The following CFAP54 variants were observed in gnomAD, a reference collection of about 807,000 sequenced individuals.
CFAP54 encodes the protein cilia- and flagella-associated protein 54.
In CFAP54, 290 loss-of-function variants were observed where a neutral mutation model predicts 370.4. The observed-to-expected ratio is 0.78, with a 90% CI of 0.71 to 0.86. CFAP54 has a LOEUF of 0.86. Among genes scored for constraint, CFAP54 ranks in the 40% least tolerant of loss-of-function variants. The probability of loss-of-function intolerance (pLI) is 0.00; values close to 1 mark genes in which losing one functional copy is unlikely to be tolerated. For missense variants in CFAP54, 3,399 were observed against 3,528.7 expected (o/e 0.96, Z 0.93); for synonymous variants, 1,206 against 1,236.5 (o/e 0.98, Z 0.52).
chr12:96,700,664 A>C (rs1022149242), intron 46 of CFAP54, among the ~76,000 whole-genome samples: 1 of 152,148 alleles, frequency 6.6e-6, no homozygotes, highest in Non-Finnish European at 1.5e-5. Context: ...GAAAATGAAT[A>C]CTGGAGTTGA....
chr12:96,544,410 A>ATCTCTCTCTCTCTCTCTCTCTCTCTCTC (rs71068815), intron 14 of CFAP54, among the ~76,000 whole-genome samples: 4 of 148,016 alleles, frequency 2.7e-5, no homozygotes, highest in African/African-American at 7.5e-5. Context: ...AAAACAGAAT[A>ATCTCTCTCTCTCTCTCTCTCTCTCTCTC]TCTCTCTCTC....
intron 26 of CFAP54, among the ~76,000 whole-genome samples, chr12:96,619,940 T>A (rs1403964969): frequency 1.3e-5 from 2 of 152,322 alleles, no homozygotes; most frequent in East Asian, 3.9e-4. Context: ...ACATGGTGAC[T>A]CATGCCTATA....
intron 3 of CFAP54, among the ~76,000 whole-genome samples, chr12:96,506,121 C>T (rs899169332): frequency 1.1e-4 from 17 of 152,004 alleles, no homozygotes; most frequent in African/African-American, 2.2e-4. Context: ...AGGCGGATCA[C>T]GAGGTCAGGA....
chr12:96,649,499 C>T (rs184975570), intron 34 of CFAP54, among the ~76,000 whole-genome samples: 13 of 152,278 alleles, frequency 8.5e-5, no homozygotes, highest in African/African-American at 3.1e-4. Flanking sequence ...GCTGCATTGC[C>T]TAACTCCAGA....
intron 64 of CFAP54, among the ~76,000 whole-genome samples, chr12:96,816,322 G>A (rs1438949909): frequency 6.6e-6 from 1 of 152,080 alleles, no homozygotes; most frequent in Non-Finnish European, 1.5e-5. Context: ...TCTCTTTGAA[G>A]CAATTGTGAA....
chr12:96,713,945 G>C (rs1016210938), intron 48 of CFAP54, among the ~76,000 whole-genome samples: 10 of 152,082 alleles, frequency 6.6e-5, no homozygotes, highest in African/African-American at 2.2e-4. Context: ...GATTATGAAA[G>C]GATTTGAAAG....
chr12:96,728,016 C>T (rs1248643823), intron 50 of CFAP54, among the ~76,000 whole-genome samples: 14 of 152,302 alleles, frequency 9.2e-5, no homozygotes, highest in African/African-American at 2.9e-4. Flanking sequence ...CCACTCTCTT[C>T]TGGCTTGTAG....
intron 60 of CFAP54, 40 bp downstream of exon 60, chr12:96,765,258 A>T: frequency 7.1e-7 from 1 of 1,406,080 alleles, no homozygotes; most frequent in African/African-American, 1.4e-5. Flanking sequence ...AAAAACTGAT[A>T]TATGTAATAT....
Position 96,708,665 on chromosome 12 carries a change from C to A in CFAP54, c.6586C>A (p.Pro2196Thr). 6.2e-7 allele frequency: 1 copy of A among 1,611,624 alleles called. No homozygotes were observed. The highest frequency in any genetic ancestry group is 1.1e-5 in the South Asian group (1 of 90,162). ...TGCAGTTCTGGTTACAATTGGCCAA[C>A]CACATCTCTTAAATAAGTTTAATTT... The part of the protein sequence containing the change: ...LPAVLVTIGQ[P>T]HLLNKFNFVK... The change falls in exon 48 of 68, where the codon CCA (proline) becomes ACA (threonine). Residue 2196 changes from proline (P) to threonine (T), a missense_variant. Physicochemically the swap from Pro to Thr is conservative, Grantham distance 38 (BLOSUM62 -1). Coordinates refer to ENST00000524981, the MANE Select transcript of CFAP54 (RefSeq NM_001306084.2).
chr12:96,655,458 G>C (rs897823183), intron 36 of CFAP54, among the ~76,000 whole-genome samples: 4 of 152,152 alleles, frequency 2.6e-5, no homozygotes, highest in African/African-American at 9.7e-5. Context: ...CTAGGTTTCT[G>C]TAATTCTTAA....
At chr12:96,861,690 CT>C (rs1352269490) in intron 67 of CFAP54, among the ~76,000 whole-genome samples, 1 of 152,146 alleles carries the variant, frequency 6.6e-6, no homozygotes, top group African/African-American at 2.4e-5. Context: ...ATTTCTTCAT[CT>C]GTAAAATGGG....
At chr12:96,862,911 G>A (rs780537358) in intron 67 of CFAP54, among the ~76,000 whole-genome samples, 4 of 152,114 alleles carry the variant, frequency 2.6e-5, no homozygotes, top group South Asian at 2.1e-4. Context: ...GGTCAAGAAA[G>A]GTGCAACAAA....
At chr12:96,512,321 ATAT>A (rs1955180319) in intron 4 of CFAP54, among the ~76,000 whole-genome samples, 1 of 33,446 alleles carries the variant, frequency 3.0e-5, no homozygotes, top group Non-Finnish European at 6.9e-5. Context: ...ATATATATAT[ATAT>A]ATATATATAT....
chr12:96,646,867 C>G (rs1239071057), intron 33 of CFAP54: 1 of 152,172 alleles, frequency 6.6e-6, no homozygotes, highest in Non-Finnish European at 1.5e-5. Flanking sequence ...AAATCAAACA[C>G]CGCATGTTCT....
At chr12:96,727,134 GA>G (rs1263496686) in intron 50 of CFAP54, among the ~76,000 whole-genome samples, 1 of 151,714 alleles carries the variant, frequency 6.6e-6, no homozygotes, top group Non-Finnish European at 1.5e-5. Flanking sequence ...GTGTGGTGCT[GA>G]AAAAAATGTA....
intron 66 of CFAP54, among the ~76,000 whole-genome samples, chr12:96,860,277 T>C (rs1344184591): frequency 6.6e-6 from 1 of 152,176 alleles, no homozygotes; most frequent in Admixed American, 6.5e-5. Context: ...GTCATTTTTG[T>C]TCTCTCTTCC....
chr12:96,795,980 C>G (rs939674036), intron 63 of CFAP54, among the ~76,000 whole-genome samples: 1 of 152,180 alleles, frequency 6.6e-6, no homozygotes, highest in African/African-American at 2.4e-5. Flanking sequence ...GCTGCTTCCT[C>G]CACCCTGTAT....
At chr12:96,515,088 A>G (rs1280301619) in intron 5 of CFAP54, among the ~76,000 whole-genome samples, 4 of 151,546 alleles carry the variant, frequency 2.6e-5, no homozygotes, top group African/African-American at 7.3e-5. Context: ...GCTCACTGCA[A>G]GCTCTGCCTC....
Position 96,564,658 on chromosome 12 carries a change from A to C in CFAP54, c.2512A>C (p.Asn838His), listed in dbSNP as rs1002038445. ...TDCFTELNIM[N>H]KIKKNTLSKA... ...TGTTTTTATAGAATTAAATATAATG[A>C]ATAAAATAAAGAAGAATACATTATC... is the stretch of plus-strand genomic sequence containing the variant. Residue 838 changes from asparagine (N) to histidine (H), a missense_variant, in exon 19 of 68, where the codon AAT becomes CAT. Asn to His is a moderately conservative substitution (Grantham distance 68). Around this residue, in one of 3 missense-constraint regions of CFAP54, gnomAD observed 2,796 missense variants for 2,869.7 expected, o/e 0.97. Transcript: ENST00000524981. The C allele has an allele frequency of 1.6e-6, 1 of 639,482 alleles. No individual in the cohort carries two copies. Among genetic ancestry groups the C allele is most frequent in the Admixed American group, 2.7e-5 (1 of 36,554 alleles). The allele number at this position is 639,482 out of a possible 1,614,324, so 39.6% of individuals were successfully genotyped here.
Sources: allele counts gnomAD v4.1 joint callset (sites outside exome capture counted in the v4.1 genomes callset), GRCh38; gene constraint gnomAD v4.1.1; regional missense constraint gnomAD v4.1.1; transcripts MANE v1.5; gene names NCBI Gene and HGNC (gene_info 2026-07-23, HGNC 2026-07-21).